MAD1L1: variants seen among roughly 807,000 people sequenced by gnomAD.
The protein encoded by MAD1L1 is mitotic spindle assembly checkpoint protein MAD1.
MAD1L1 carries 95 observed loss-of-function variants against 96.9 expected under a neutral mutation model. That is an observed-to-expected ratio of 0.98 (90% CI 0.83 to 1.16). The LOEUF (loss-of-function observed/expected upper bound fraction) is 1.16. Among genes scored for constraint, MAD1L1 ranks in the 50% most tolerant of loss-of-function variants. The pLI is 0.00. For missense variants in MAD1L1, 1,007 were observed against 954.4 expected (o/e 1.06, Z -0.73); for synonymous variants, 473 against 396.6 (o/e 1.19, Z -2.29).
In MAD1L1 at chr7:1,860,107, G is replaced by A. The variant is rs71523263; in HGVS notation, c.1998+38093C>T. On this transcript the variant is annotated intron_variant, in intron 18 of 18. Coordinates refer to ENST00000265854, the MANE Select transcript of MAD1L1 (RefSeq NM_001013836.2). Reference sequence around the variant, plus strand: ...CCCTAGACCTGACATCCTGCGGGGCGGCCTCTGTGTCCCTAGACCTGACAT... The same window carrying A: ...CCCTAGACCTGACATCCTGCGGGGCAGCCTCTGTGTCCCTAGACCTGACAT... 4.7e-4 allele frequency among the ~76,000 whole-genome samples: 65 copies of A among 138,366 alleles called. No homozygotes were observed. The East Asian group carries it at 0.012, about 26-fold the overall frequency. 90.8% of individuals were successfully genotyped at this position (138,366 alleles called of 152,430 possible).
At chr7:2,139,020 T>C (rs1245403709) in intron 11 of MAD1L1, among the ~76,000 whole-genome samples, 1 of 151,838 alleles carries the variant, frequency 6.6e-6, no homozygotes, top group African/African-American at 2.4e-5. Context: ...AGGCCCAAGG[T>C]CCCAGCAGGA....
At chr7:1,908,909 G>A (rs759603496) in intron 17 of MAD1L1, among the ~76,000 whole-genome samples, 5 of 152,148 alleles carry the variant, frequency 3.3e-5, no homozygotes, top group Admixed American at 1.3e-4. Flanking sequence ...TCTCCCTGGC[G>A]GCGGCTGGGC....
At chr7:1,996,030 C>T (rs1243477316) in intron 14 of MAD1L1, among the ~76,000 whole-genome samples, 2 of 152,234 alleles carry the variant, frequency 1.3e-5, no homozygotes, top group Non-Finnish European at 2.9e-5. Context: ...AGGACCAGCA[C>T]TGACGAGGGG....
At chr7:1,857,961 C>T (rs1481828758) in intron 18 of MAD1L1, among the ~76,000 whole-genome samples, 1 of 152,228 alleles carries the variant, frequency 6.6e-6, no homozygotes, top group African/African-American at 2.4e-5. Flanking sequence ...GGGCCGAGTC[C>T]CTTGGCTGTG....
At chr7:1,826,142 G>A (rs1782381657) in intron 18 of MAD1L1, among the ~76,000 whole-genome samples, 1 of 152,180 alleles carries the variant, frequency 6.6e-6, no homozygotes, top group Non-Finnish European at 1.5e-5. Flanking sequence ...GAGGACTCCT[G>A]GCAGCCTCAC....
intron 16 of MAD1L1, among the ~76,000 whole-genome samples, chr7:1,951,080 C>T (rs2128471300): frequency 6.6e-6 from 1 of 152,384 alleles, no homozygotes; most frequent in East Asian, 1.9e-4. Flanking sequence ...ACCCGGGAGG[C>T]TGCTCCCCTG....
At chr7:1,845,242 G>T (rs945300104) in intron 18 of MAD1L1, 1 of 152,252 alleles carries the variant, frequency 6.6e-6, no homozygotes, top group African/African-American at 2.4e-5. Flanking sequence ...TGAGGCTGAC[G>T]CAGGGCCCAG....
chr7:1,873,215 G>A (rs529607983), intron 18 of MAD1L1, among the ~76,000 whole-genome samples: 1 of 152,344 alleles, frequency 6.6e-6, no homozygotes, highest in East Asian at 1.9e-4. Flanking sequence ...ATGTGTGCAG[G>A]GAGCCTGGCT....
At chr7:2,102,382 TCAC>T (rs530516327) in intron 11 of MAD1L1, among the ~76,000 whole-genome samples, 32 of 141,546 alleles carry the variant, frequency 2.3e-4, no homozygotes, top group African/African-American at 4.8e-4. Context: ...ACCGTCACCA[TCAC>T]CACCACCATC....
At chr7:2,105,636 G>C (rs1787049715) in intron 11 of MAD1L1, among the ~76,000 whole-genome samples, 1 of 152,144 alleles carries the variant, frequency 6.6e-6, no homozygotes, top group Non-Finnish European at 1.5e-5. Context: ...GCACTGTGAA[G>C]GTTCTGAGGG....
chr7:1,831,884 C>T (rs1408203329), intron 18 of MAD1L1, among the ~76,000 whole-genome samples: 2 of 152,164 alleles, frequency 1.3e-5, no homozygotes, highest in African/African-American at 2.4e-5. Context: ...AAACAAAATT[C>T]CTTTCAAAAT....
chr7:1,951,392 C>T (rs146521634), intron 16 of MAD1L1, among the ~76,000 whole-genome samples: 3 of 152,272 alleles, frequency 2.0e-5, no homozygotes, highest in Admixed American at 6.5e-5. Context: ...GGGTGTGGCT[C>T]ACTCCTAACA....
chr7:1,948,335 T>G (rs1262310419), intron 16 of MAD1L1, among the ~76,000 whole-genome samples: 2 of 145,414 alleles, frequency 1.4e-5, no homozygotes, highest in South Asian at 2.3e-4. Context: ...CACCCCCCAG[T>G]GACCGTGTGC....
intron 11 of MAD1L1, among the ~76,000 whole-genome samples, chr7:2,133,256 G>C (rs1488844123): frequency 6.6e-6 from 1 of 151,642 alleles, no homozygotes; most frequent in Non-Finnish European, 1.5e-5. Flanking sequence ...CGTCACCCAC[G>C]TGTCTGCTTT....
intron 10 of MAD1L1, among the ~76,000 whole-genome samples, chr7:2,205,628 ATC>A (rs977597918): frequency 2.6e-4 from 40 of 152,288 alleles, no homozygotes; most frequent in African/African-American, 9.1e-4. Context: ...TGTGAGAGTT[ATC>A]TCGCGTCCAC....
At chr7:1,949,013 C>G (rs914466052) in intron 16 of MAD1L1, among the ~76,000 whole-genome samples, 2 of 152,220 alleles carry the variant, frequency 1.3e-5, no homozygotes, top group African/African-American at 4.8e-5. Flanking sequence ...GAAGGACACA[C>G]AGCTGCTGCC....
chr7:2,070,704 A>G (rs1322330178), intron 11 of MAD1L1, among the ~76,000 whole-genome samples: 1 of 152,198 alleles, frequency 6.6e-6, no homozygotes, highest in African/African-American at 2.4e-5. Flanking sequence ...AAAACACAGC[A>G]CTGGGATAGA....
At position 1,954,192 on chromosome 7, in the gene MAD1L1, C is replaced by T. The variant is rs767765190; in HGVS notation, c.1596+3437G>A. ...GTATTATGACAGACAACAGGAATGG[C>T]CACCATGCAGGCCTGGTTCACCAGG... On this transcript the variant is annotated intron_variant, in intron 16 of 18. Transcript: ENST00000265854. Among the ~76,000 whole-genome samples the T allele has an allele frequency of 2.4e-4, 36 of 152,186 alleles. 1 individual carries two copies. Among genetic ancestry groups the T allele is most frequent in the Non-Finnish European group, 1.2e-4 (8 of 68,026 alleles).
intron 17 of MAD1L1, among the ~76,000 whole-genome samples, chr7:1,916,132 G>A (rs938015575): frequency 2.6e-5 from 4 of 152,214 alleles, no homozygotes; most frequent in Non-Finnish European, 5.9e-5. Flanking sequence ...TGGTCAGAAA[G>A]AGAGATGCCA....
Sources: gnomAD v4.1 joint callset for allele counts (sites outside exome capture counted in the v4.1 genomes callset) on GRCh38, gnomAD v4.1.1 for gene constraint, MANE v1.5 for transcripts, NCBI Gene and HGNC (gene_info 2026-07-23, HGNC 2026-07-21) for gene names.